Variants in TTC7B observed in about 807,000 individuals in gnomAD.
TTC7B encodes tetratricopeptide repeat protein 7B.
In TTC7B, 28 loss-of-function variants were observed where a neutral mutation model predicts 106.8. The ratio of observed to expected loss-of-function variants is 0.26; its 90% confidence interval spans 0.19 to 0.36. The LOEUF (loss-of-function observed/expected upper bound fraction) is 0.36. TTC7B is among the 10% of genes least tolerant of loss of function. The pLI, the probability that TTC7B is intolerant of heterozygous loss-of-function variation, is 1.00. For synonymous variants in TTC7B, 405 were observed against 430.6 expected, an observed-to-expected ratio of 0.94 and a Z score of 0.74; for missense variants, 862 against 1,076.4, an observed-to-expected ratio of 0.80 and a Z score of 2.79.
chr14:90,550,856 G>T (rs1890046248), intron 19 of TTC7B, among the ~76,000 whole-genome samples: 1 of 152,158 alleles, frequency 6.6e-6, no homozygotes, highest in South Asian at 2.1e-4. Context: ...CTGTGGGGTA[G>T]TAGGGAAGGA....
intron 15 of TTC7B, among the ~76,000 whole-genome samples, chr14:90,631,769 T>C (rs1353659014): frequency 2.0e-5 from 3 of 152,206 alleles, no homozygotes; most frequent in Non-Finnish European, 4.4e-5. Flanking sequence ...TCTACATCCT[T>C]GTCAACACTT....
At chr14:90,591,429 TCC>T (rs1317039901) in intron 18 of TTC7B, among the ~76,000 whole-genome samples, 1 of 152,144 alleles carries the variant, frequency 6.6e-6, no homozygotes, top group African/African-American at 2.4e-5. Flanking sequence ...CAAAATTTCC[TCC>T]CCAACAGTCA....
intron 3 of TTC7B, among the ~76,000 whole-genome samples, chr14:90,751,649 C>T (rs1333829384): frequency 2.0e-5 from 3 of 151,984 alleles, no homozygotes; most frequent in Non-Finnish European, 2.9e-5. Flanking sequence ...AAGCTGGTCT[C>T]AAACTCCTGA....
chr14:90,676,712 T>C (rs532197748), intron 8 of TTC7B, 52 bp from the exon 9 acceptor site: 6 of 1,592,300 alleles, frequency 3.8e-6, no homozygotes, highest in East Asian at 2.2e-5. Flanking sequence ...TAGTGCTGCA[T>C]GGCGGGGAGT....
At position 90,730,095 on chromosome 14, in the gene TTC7B, A is replaced by G. The variant is rs377516229; in HGVS notation, c.678T>C (p.His226=). Residue 226 remains histidine (H), a synonymous_variant, in exon 5 of 20, where the codon CAT becomes CAC. Transcript: ENST00000328459. ...FFLETGLQRA[H]VLYFKNGNLT... is the part of the protein sequence containing the mutation. ...CTTACCCATTTTTGAAATAGAGGAC[A>G]TGGGCTCTCTGAAGTCCTGTTTCTA... 5.6e-6 allele frequency: 9 copies of G among 1,612,872 alleles called. No homozygotes were observed. Among genetic ancestry groups the G allele is most frequent in the Non-Finnish European group, 6.8e-6 (8 of 1,179,686 alleles).
intron 12 of TTC7B, among the ~76,000 whole-genome samples, chr14:90,653,983 A>G (rs962085059): frequency 2.6e-5 from 4 of 152,230 alleles, no homozygotes; most frequent in African/African-American, 9.6e-5. Context: ...CCATGTGTAT[A>G]TGGAAAATTA....
chr14:90,766,912 G>A, intron 3 of TTC7B: 2 of 1,550,876 alleles, frequency 1.3e-6, no homozygotes, highest in Admixed American at 1.7e-5. Context: ...CCACTCCTGG[G>A]GCCTTCATGT....
At chr14:90,785,310 A>G (rs1486981901) in intron 2 of TTC7B, among the ~76,000 whole-genome samples, 1 of 152,186 alleles carries the variant, frequency 6.6e-6, no homozygotes, top group East Asian at 1.9e-4. Context: ...CGAGACAGGA[A>G]GAGAAGAAAA....
chr14:90,614,335 G>A (rs1250036908), intron 16 of TTC7B, among the ~76,000 whole-genome samples: 2 of 152,224 alleles, frequency 1.3e-5, no homozygotes, highest in African/African-American at 2.4e-5. Flanking sequence ...CCAAATGCTG[G>A]TGACTGTAAG....
chr14:90,711,798 T>G (rs913773174), intron 5 of TTC7B, among the ~76,000 whole-genome samples: 2 of 152,160 alleles, frequency 1.3e-5, no homozygotes, highest in Non-Finnish European at 2.9e-5. Flanking sequence ...AAAAAACTAT[T>G]TTTTAACAAC....
intron 1 of TTC7B, among the ~76,000 whole-genome samples, chr14:90,812,629 C>G (rs2030959564): frequency 6.6e-6 from 1 of 151,974 alleles, no homozygotes. Context: ...CTGTCTCCCA[C>G]CCCCACCCTT....
Position 90,600,539 on chromosome 14 carries a change from C to A in TTC7B, c.1967-6913G>T, listed in dbSNP as rs561945406. Among the ~76,000 whole-genome samples, 1 of 152,208 alleles carries A rather than the reference C, an allele frequency of 6.6e-6. No homozygotes were observed. The highest frequency in any genetic ancestry group is 1.5e-5 in the Non-Finnish European group (1 of 68,040). ...AGGATTAAGACTCATAGCCCCAAGACGGGATCAGTTTCCCACTGACTTTAA... is the reference window on the plus strand; with the variant it reads ...AGGATTAAGACTCATAGCCCCAAGAAGGGATCAGTTTCCCACTGACTTTAA... On this transcript the variant is annotated intron_variant, in intron 17 of 19. Transcript: ENST00000328459. This position sits in a 1 kb window ranked among gnomAD's most constrained non-coding sequence, Gnocchi z 4.3.
Position 90,663,897 on chromosome 14 carries a change from G to A in TTC7B, c.1153-5510C>T, listed in dbSNP as rs1200312940. Among the ~76,000 whole-genome samples the A allele has an allele frequency of 1.3e-5, 2 of 152,190 alleles. No homozygotes were observed. The highest frequency in any genetic ancestry group is 2.9e-5 in the Non-Finnish European group (2 of 68,034). On this transcript the variant is annotated intron_variant, in intron 9 of 19. Coordinates refer to ENST00000328459, the MANE Select transcript of TTC7B (RefSeq NM_001010854.2). The surrounding 1 kb of genome is among the most constrained non-coding windows in gnomAD (Gnocchi z 4.5). The stretch of plus-strand genomic sequence containing the variant: ...CACGCCGGCTTTGGAAAAGCACCCA[G>A]ACAGCTTCAGATGCTCCTGAAATGC...
rs552639804 is a variant in TTC7B at position 90,714,912 on chromosome 14, T to C, written c.698+15163A>G. Reference sequence around the variant, plus strand: ...CCCAATTTTCATCTCTATTTTCTCATTCTTTCACCTCTTACATCACTTCTT... The same window carrying C: ...CCCAATTTTCATCTCTATTTTCTCACTCTTTCACCTCTTACATCACTTCTT... On this transcript the variant is annotated intron_variant, in intron 5 of 19. Coordinates refer to ENST00000328459, the MANE Select transcript of TTC7B (RefSeq NM_001010854.2). 2.0e-5 allele frequency among the ~76,000 whole-genome samples: 3 copies of C among 152,300 alleles called. No homozygotes were observed. In the East Asian group the frequency reaches 5.8e-4, roughly 29 times the overall value.
At chr14:90,790,082 A>C (rs137920867) in intron 1 of TTC7B, among the ~76,000 whole-genome samples, 1 of 152,212 alleles carries the variant, frequency 6.6e-6, no homozygotes, top group Non-Finnish European at 1.5e-5. Flanking sequence ...AGGGGATATC[A>C]TATTGGACAG....
At chr14:90,571,708 A>G (rs927858082) in intron 19 of TTC7B, among the ~76,000 whole-genome samples, 1 of 152,228 alleles carries the variant, frequency 6.6e-6, no homozygotes, top group Non-Finnish European at 1.5e-5. Flanking sequence ...GCCATTTGAA[A>G]GCGGGAAGGG....
rs1247676513 is a variant in TTC7B at position 90,540,024 on chromosome 14, G to C, written c.*1344C>G. The C allele has an allele frequency of 2.0e-5, 3 of 152,302 alleles. No homozygotes were observed. Among genetic ancestry groups the C allele is most frequent in the African/African-American group, 7.2e-5 (3 of 41,462 alleles). The allele number at this position is 152,302 out of a possible 1,614,324, so 9.4% of individuals were successfully genotyped here. A position where few individuals can be genotyped will look rare whatever the true frequency, so the allele number is the denominator to read the frequency against. On this transcript the variant is annotated 3_prime_UTR_variant, in exon 20 of 20. Coordinates refer to ENST00000328459, the MANE Select transcript of TTC7B (RefSeq NM_001010854.2). ...ATGCTCCAATTCCAAAGCCCCATCG[G>C]GGGAGAGCTAAGGCGAATTCCCAAA...
Position 90,578,172 on chromosome 14 carries a change from C to A in TTC7B, c.2244G>T (p.Glu748Asp). The change falls in exon 19 of 20, where the codon GAG (glutamate) becomes GAT (aspartate). Residue 748 changes from glutamate to aspartate, a missense_variant. By Grantham distance (45) the Glu-to-Asp change is conservative. Coordinates refer to ENST00000328459, the MANE Select transcript of TTC7B (RefSeq NM_001010854.2). This position sits in a 1 kb window ranked among gnomAD's most constrained non-coding sequence, Gnocchi z 4.7. ...QIAELRGSMD[E>D]ARRWYEEALA... is the part of the protein sequence containing the mutation. The stretch of plus-strand genomic sequence containing the variant: ...AGGCCTCTTCATACCACCGCCGCGC[C>A]TCGTCCATGCTTCCCCGGAGCTCAG... The A allele has an allele frequency of 6.2e-7, 1 of 1,613,828 alleles. No homozygotes were observed. The highest frequency in any genetic ancestry group is 1.1e-5 in the South Asian group (1 of 90,932).
chr14:90,592,671 T>A (rs1309188077), intron 18 of TTC7B, among the ~76,000 whole-genome samples: 2 of 150,262 alleles, frequency 1.3e-5, no homozygotes, highest in African/African-American at 4.9e-5. Context: ...ATTGCACCAC[T>A]GCACTCCAGC....
Sources: gnomAD v4.1 joint callset for allele counts (sites outside exome capture counted in the v4.1 genomes callset) on GRCh38, gnomAD v4.1.1 for gene constraint, Gnocchi (gnomAD v3.1) non-coding constraint, MANE v1.5 for transcripts, NCBI Gene and HGNC (gene_info 2026-07-23, HGNC 2026-07-21) for gene names.